Variants in MREG observed in about 807,000 individuals in gnomAD.
MREG encodes melanoregulin.
In MREG, 31 loss-of-function variants were observed where a neutral mutation model predicts 28.5. That is an observed-to-expected ratio of 1.09 (90% CI 0.82 to 1.47). MREG has a LOEUF of 1.47. MREG is among the 40% of genes most tolerant of loss of function. MREG has a pLI of 0.00. For synonymous variants in MREG, 106 were observed against 95.2 expected (o/e 1.11, Z -0.66); for missense variants, 256 against 257.4 (o/e 0.99, Z 0.04).
chr2:216,009,461 C>A (rs987803151), intron 1 of MREG, among the ~76,000 whole-genome samples: 2 of 152,052 alleles, frequency 1.3e-5, no homozygotes, highest in African/African-American at 2.4e-5. Context: ...ACATTTACAC[C>A]ACAGCCAGCT....
intron 2 of MREG, among the ~76,000 whole-genome samples, chr2:215,982,449 C>G (rs1171870437): frequency 1.3e-5 from 2 of 152,054 alleles, no homozygotes; most frequent in Non-Finnish European, 2.9e-5. Context: ...ATAGAAACAT[C>G]ACAGACCGAT....
intron 3 of MREG, 61 bp from the exon 4 acceptor site, chr2:215,945,795 T>C (rs1692304042): frequency 6.9e-7 from 1 of 1,446,932 alleles, no homozygotes; most frequent in African/African-American, 1.4e-5. Context: ...TGTTCCGCAA[T>C]ACGGTCCCTG....
chr2:215,995,101 G>A (rs889953953), intron 2 of MREG, among the ~76,000 whole-genome samples: 4 of 152,274 alleles, frequency 2.6e-5, no homozygotes, highest in Middle Eastern at 3.4e-3. Flanking sequence ...CTCACAAAGG[G>A]CAGCCAGGGA....
chr2:215,992,974 A>G (rs912902501), intron 2 of MREG, among the ~76,000 whole-genome samples: 8 of 152,238 alleles, frequency 5.3e-5, no homozygotes, highest in African/African-American at 1.9e-4. Flanking sequence ...AATATCATGA[A>G]AATGGCCATA....
chr2:216,016,918 C>G (rs1013833196), upstream of MREG, among the ~76,000 whole-genome samples: 15 of 152,304 alleles, frequency 9.8e-5, no homozygotes, highest in African/African-American at 3.6e-4. Flanking sequence ...CAGTTACTAA[C>G]ATTTTTAAAA....
intron 2 of MREG, among the ~76,000 whole-genome samples, chr2:215,948,094 T>G (rs776725125): frequency 6.6e-6 from 1 of 152,224 alleles, no homozygotes; most frequent in Non-Finnish European, 1.5e-5. Flanking sequence ...TATATGATAT[T>G]TTGACTCCTC....
chr2:215,959,303 C>T (rs559617837), intron 2 of MREG, among the ~76,000 whole-genome samples: 16 of 151,134 alleles, frequency 1.1e-4, no homozygotes, highest in African/African-American at 2.9e-4. Flanking sequence ...TCCAAGTGGA[C>T]GGGCTGCTGA....
intron 2 of MREG, among the ~76,000 whole-genome samples, chr2:215,966,821 C>T (rs572113799): frequency 1.3e-5 from 2 of 152,216 alleles, no homozygotes; most frequent in South Asian, 2.1e-4. Context: ...AGGCTGGTCT[C>T]GAACTCCTGA....
chr2:215,976,583 T>C (rs1413711152), intron 2 of MREG, among the ~76,000 whole-genome samples: 4 of 152,114 alleles, frequency 2.6e-5, no homozygotes, highest in Non-Finnish European at 5.9e-5. Context: ...CGGTAGTTGG[T>C]GTGGTATAGG....
intron 1 of MREG, among the ~76,000 whole-genome samples, chr2:216,021,952 A>G (rs1293464504): frequency 6.6e-6 from 1 of 152,178 alleles, no homozygotes; most frequent in East Asian, 1.9e-4. Flanking sequence ...AACAAACAGT[A>G]CTTGGCCGGC....
intron 1 of MREG, among the ~76,000 whole-genome samples, chr2:216,025,276 T>C (rs1421123176): frequency 6.6e-6 from 1 of 152,078 alleles, no homozygotes. Flanking sequence ...AGGACAAAAA[T>C]TGTAAAACTA....
chr2:215,972,565 G>A (rs1486803935), intron 2 of MREG, among the ~76,000 whole-genome samples: 8 of 148,458 alleles, frequency 5.4e-5, no homozygotes, highest in Admixed American at 2.7e-4. Flanking sequence ...GCGGTGAGCC[G>A]AGATTGTGCC....
chr2:215,939,953 T>C (rs576903474), downstream of MREG, among the ~76,000 whole-genome samples: 34 of 152,378 alleles, frequency 2.2e-4, no homozygotes, highest in African/African-American at 8.2e-4. Context: ...AAGCTTCCTC[T>C]AGCTATTATG....
intron 2 of MREG, among the ~76,000 whole-genome samples, chr2:215,989,762 T>C (rs78822097): frequency 6.6e-5 from 10 of 151,594 alleles, no homozygotes; most frequent in Admixed American, 1.3e-4. Context: ...CAAGTATCAA[T>C]AGCCAAATCG....
At chr2:216,029,846 G>A (rs1200026490) in intron 1 of MREG, among the ~76,000 whole-genome samples, 2 of 152,250 alleles carry the variant, frequency 1.3e-5, no homozygotes, top group African/African-American at 4.8e-5. Context: ...TTAGCTCTGA[G>A]AGTCTCATGC....
At chr2:216,029,366 T>C (rs889337565) in intron 1 of MREG, among the ~76,000 whole-genome samples, 1 of 152,138 alleles carries the variant, frequency 6.6e-6, no homozygotes, top group Non-Finnish European at 1.5e-5. Context: ...TAGTCCCAGC[T>C]ACTCAGGAGG....
At chr2:216,001,550 G>A (rs1694013651) in intron 1 of MREG, among the ~76,000 whole-genome samples, 1 of 152,168 alleles carries the variant, frequency 6.6e-6, no homozygotes, top group South Asian at 2.1e-4. Context: ...ACCCAGACCT[G>A]GCTCCTGCTT....
chr2:215,950,677 G>T (rs1014190649), intron 2 of MREG, among the ~76,000 whole-genome samples: 1 of 152,146 alleles, frequency 6.6e-6, no homozygotes, highest in Non-Finnish European at 1.5e-5. Context: ...AAAATTTAAA[G>T]CTCTAAAACC....
intron 1 of MREG, among the ~76,000 whole-genome samples, chr2:216,006,981 C>T (rs1223286372): frequency 6.6e-6 from 1 of 152,154 alleles, no homozygotes; most frequent in Non-Finnish European, 1.5e-5. Flanking sequence ...ACACACACCA[C>T]GTAAGCAGCT....
Sources: allele counts gnomAD v4.1 joint callset (sites outside exome capture counted in the v4.1 genomes callset), GRCh38; gene constraint gnomAD v4.1.1; transcripts MANE v1.5; gene names NCBI Gene and HGNC (gene_info 2026-07-23, HGNC 2026-07-21).